DLGAP1: variants seen among roughly 807,000 people sequenced by gnomAD.
The protein encoded by DLGAP1 is DLG associated protein 1.
In DLGAP1, 11 loss-of-function variants were observed where a neutral mutation model predicts 90.8. That is an observed-to-expected ratio of 0.12 (90% CI 0.08 to 0.20). DLGAP1 has a LOEUF of 0.20. Ranked by LOEUF, DLGAP1 falls within the 10% of genes least tolerant of loss-of-function variation. The probability of loss-of-function intolerance (pLI) is 1.00; values close to 1 mark genes in which losing one functional copy is unlikely to be tolerated. For missense variants in DLGAP1, 1,050 were observed against 1,333.8 expected (o/e 0.79, Z 3.31); for synonymous variants, 558 against 540.7 (o/e 1.03, Z -0.44).
intron 3 of DLGAP1, among the ~76,000 whole-genome samples, chr18:4,001,991 C>T (rs1169820834): frequency 6.6e-6 from 1 of 151,966 alleles, no homozygotes; most frequent in African/African-American, 2.4e-5. Context: ...GTTGAAGACA[C>T]TGTACAGGTC....
intron 10 of DLGAP1, 23 bp downstream of exon 10, chr18:3,534,171 T>A: frequency 3.8e-6 from 6 of 1,599,456 alleles, no homozygotes; most frequent in Non-Finnish European, 5.1e-6. Flanking sequence ...GGGACGGGTG[T>A]GGCACGTGGT....
At chr18:3,698,814 A>G (rs1451514085) in intron 7 of DLGAP1, among the ~76,000 whole-genome samples, 1 of 152,028 alleles carries the variant, frequency 6.6e-6, no homozygotes, top group African/African-American at 2.4e-5. Context: ...ACATAGTCCC[A>G]TATTTCTTGG....
intron 4 of DLGAP1, among the ~76,000 whole-genome samples, chr18:3,873,878 C>T (rs1420114858): frequency 6.6e-6 from 1 of 152,150 alleles, no homozygotes; most frequent in Non-Finnish European, 1.5e-5. Context: ...ATAATATCCT[C>T]TAAGAGCACC....
At position 3,590,488 on chromosome 18, in the gene DLGAP1, AT is replaced by A. The variant is rs1568255418; in HGVS notation, c.1592-8241del. On this transcript the variant is annotated intron_variant, in intron 7 of 12. Transcript: ENST00000315677. ...ACCCCTGTGTGTACAGAGCAGGGTT[AT>A]TCAAAGCCTGGTCTGCAGAGTGGTG... is the stretch of plus-strand genomic sequence containing the variant. 2.6e-5 allele frequency among the ~76,000 whole-genome samples: 4 copies of A among 152,144 alleles called. No individual in the cohort carries two copies. The East Asian group carries it at 5.8e-4, about 22-fold the overall frequency.
intron 1 of DLGAP1, among the ~76,000 whole-genome samples, chr18:4,423,210 C>CCAGAAAATA (rs1311101770): frequency 1.1e-4 from 17 of 152,106 alleles, no homozygotes; most frequent in African/African-American, 4.1e-4. Flanking sequence ...TGCTTCTTCA[C>CCAGAAAATA]CTGGAAAATG....
intron 3 of DLGAP1, among the ~76,000 whole-genome samples, chr18:3,961,376 C>T (rs1200625534): frequency 6.6e-6 from 1 of 152,106 alleles, no homozygotes. Flanking sequence ...TTTTTGCAAT[C>T]CCACTTCTTT....
At chr18:4,173,139 GTGA>G (rs2077051026) in intron 1 of DLGAP1, among the ~76,000 whole-genome samples, 1 of 152,188 alleles carries the variant, frequency 6.6e-6, no homozygotes, top group African/African-American at 2.4e-5. Flanking sequence ...GATTAAAGTG[GTGA>G]TGATGTCATC....
Position 3,889,206 on chromosome 18 carries a change from G to A in DLGAP1, c.-72-9066C>T, listed in dbSNP as rs568670070. Among the ~76,000 whole-genome samples the A allele has an allele frequency of 1.2e-3, 186 of 152,282 alleles. 2 individuals are homozygous for A. Among genetic ancestry groups the A allele is most frequent in the African/African-American group, 4.3e-3 (178 of 41,560 alleles). ...ATAAACCTGTTTAATGGTACCTAAA[G>A]ACAGCCGTGATGGAAGATGGAAAAA... On this transcript the variant is annotated intron_variant, in intron 3 of 12. Transcript: ENST00000315677.
chr18:3,530,970 G>T (rs1041596522), intron 10 of DLGAP1, among the ~76,000 whole-genome samples: 4 of 152,168 alleles, frequency 2.6e-5, no homozygotes, highest in African/African-American at 9.7e-5. Context: ...CTGTGAGTGA[G>T]AGAGTGGACA....
intron 8 of DLGAP1, among the ~76,000 whole-genome samples, chr18:3,578,830 T>C (rs2055317864): frequency 6.6e-6 from 1 of 152,086 alleles, no homozygotes; most frequent in Admixed American, 6.6e-5. Context: ...CGCCATAAGG[T>C]GGTTGGATGA....
intron 4 of DLGAP1, among the ~76,000 whole-genome samples, chr18:3,873,078 G>T (rs774943904): frequency 3.3e-5 from 5 of 152,128 alleles, no homozygotes; most frequent in Admixed American, 6.5e-5. Context: ...TTCCAAGAAG[G>T]CTTTCCTATA....
At chr18:3,587,396 G>A (rs1283740523) in intron 7 of DLGAP1, among the ~76,000 whole-genome samples, 2 of 152,168 alleles carry the variant, frequency 1.3e-5, no homozygotes, top group African/African-American at 2.4e-5. Flanking sequence ...TGGGTCGAGT[G>A]GGGACTTGGA....
intron 2 of DLGAP1, among the ~76,000 whole-genome samples, chr18:4,088,064 T>A (rs975298488): frequency 2.0e-5 from 3 of 147,522 alleles, no homozygotes; most frequent in Non-Finnish European, 3.0e-5. Flanking sequence ...ATTGATCTCT[T>A]GTTTATGTTT....
chr18:4,005,012 C>G (rs2074274768), intron 3 of DLGAP1, 104 bp downstream of exon 3: 2 of 151,612 alleles, frequency 1.3e-5, no homozygotes, highest in Admixed American at 6.6e-5. Flanking sequence ...TGGCCTTTTA[C>G]TTTGAAATTT....
intron 1 of DLGAP1, among the ~76,000 whole-genome samples, 168 bp from the exon 2 acceptor site, chr18:4,151,455 T>C (rs1447237468): frequency 1.3e-5 from 2 of 152,246 alleles, no homozygotes; most frequent in African/African-American, 4.8e-5. Flanking sequence ...TGTCACACTT[T>C]GTATTTTTAT....
intron 1 of DLGAP1, among the ~76,000 whole-genome samples, chr18:4,249,028 CAAATAT>C (rs1458111700): frequency 1.3e-5 from 2 of 152,202 alleles, no homozygotes; most frequent in Admixed American, 6.5e-5. Flanking sequence ...TGTCTCTATG[CAAATAT>C]GCCTTGCTCA....
chr18:3,739,699 C>T (rs1426868227), intron 6 of DLGAP1, among the ~76,000 whole-genome samples: 5 of 151,978 alleles, frequency 3.3e-5, no homozygotes, highest in African/African-American at 7.3e-5. Flanking sequence ...GTGGGTGCAG[C>T]GCACCAGTGC....
intron 7 of DLGAP1, among the ~76,000 whole-genome samples, chr18:3,627,752 C>T (rs1166634030): frequency 2.0e-5 from 3 of 152,086 alleles, no homozygotes; most frequent in Admixed American, 1.3e-4. Flanking sequence ...CTTCAAATTC[C>T]TAAGCTCAAG....
chr18:3,901,474 T>C (rs1044593445), intron 3 of DLGAP1, among the ~76,000 whole-genome samples: 1 of 152,068 alleles, frequency 6.6e-6, no homozygotes. Context: ...CCCAATACTA[T>C]AAAAGCTGAA....
Sources: allele counts gnomAD v4.1 joint callset (sites outside exome capture counted in the v4.1 genomes callset), GRCh38; gene constraint gnomAD v4.1.1; transcripts MANE v1.5; gene names NCBI Gene and HGNC (gene_info 2026-07-23, HGNC 2026-07-21).